Variants in SLC7A11 observed in about 807,000 individuals in gnomAD.
SLC7A11 encodes the protein cystine/glutamate transporter.
In SLC7A11, 35 loss-of-function variants were observed where a neutral mutation model predicts 54.5. That is an observed-to-expected ratio of 0.64 (90% CI 0.49 to 0.85). SLC7A11 has a LOEUF of 0.85. SLC7A11 is among the 40% of genes least tolerant of loss of function. SLC7A11 has a pLI of 0.00. For missense variants in SLC7A11, 583 were observed against 618.1 expected (o/e 0.94, Z 0.60); for synonymous variants, 230 against 225.2 (o/e 1.02, Z -0.19).
At chr4:138,201,014 A>C (rs1434470176) in intron 6 of SLC7A11, among the ~76,000 whole-genome samples, 1 of 152,140 alleles carries the variant, frequency 6.6e-6, no homozygotes, top group African/African-American at 2.4e-5. Context: ...ATGAAAAGCC[A>C]ATAGAAGAGA....
chr4:138,226,204 T>C (rs963609145), intron 3 of SLC7A11, among the ~76,000 whole-genome samples: 1 of 152,094 alleles, frequency 6.6e-6, no homozygotes, highest in Non-Finnish European at 1.5e-5. Context: ...CTGGTGGGAA[T>C]GTAAATTAGT....
chr4:138,241,403 A>G (rs1051120672), intron 1 of SLC7A11, among the ~76,000 whole-genome samples: 1 of 152,236 alleles, frequency 6.6e-6, no homozygotes, highest in Non-Finnish European at 1.5e-5. Flanking sequence ...AGCCCATGCC[A>G]GGTTCCACTT....
chr4:138,231,233 C>T (rs1386141729), intron 3 of SLC7A11, among the ~76,000 whole-genome samples: 5 of 152,098 alleles, frequency 3.3e-5, no homozygotes, highest in South Asian at 2.1e-4. Flanking sequence ...TTAATATCTA[C>T]GATGTACACT....
intron 4 of SLC7A11, among the ~76,000 whole-genome samples, chr4:138,221,444 G>A (rs983369268): frequency 5.3e-5 from 8 of 152,174 alleles, no homozygotes; most frequent in African/African-American, 1.9e-4. Context: ...GTGTGATCAT[G>A]TTAGAGATGA....
In SLC7A11 at chr4:138,179,395, C is replaced by G. The variant is rs142986192; in HGVS notation, c.1267-1G>C. The G allele has an allele frequency of 1.9e-6, 3 of 1,610,460 alleles. No homozygotes were observed. Among genetic ancestry groups the G allele is most frequent in the Non-Finnish European group, 2.5e-6 (3 of 1,178,354 alleles). ...ACAAAGCTGGGATGAACAGTGGCAC[C>G]TGGAACACAGAACACAAAAAAGTCA... On this transcript the variant is annotated splice_acceptor_variant, in intron 10 of 11. Coordinates refer to ENST00000280612, the MANE Select transcript of SLC7A11 (RefSeq NM_014331.4). LOFTEE classifies it high-confidence loss of function.
At position 138,183,218 on chromosome 4, in the gene SLC7A11, C is replaced by T; in HGVS notation, c.1003G>A (p.Val335Met). 1 of 1,611,156 alleles carries T rather than the reference C, an allele frequency of 6.2e-7. No homozygotes were observed. The highest frequency in any genetic ancestry group is 8.5e-7 in the Non-Finnish European group (1 of 1,178,094). The change falls in exon 8 of 12, where the codon GTG (valine) becomes ATG (methionine). Residue 335 changes from valine to methionine, a missense_variant. Physicochemically the swap from Val to Met is conservative, Grantham distance 21 (BLOSUM62 1). Transcript: ENST00000280612. Reference protein sequence around the residue: ...LSCFGSMNGGVFAVSRLFYVA... With the variant: ...LSCFGSMNGGMFAVSRLFYVA... ...CTCACTCACCTGGAGACAGCAAACA[C>T]ACCACCGTTCATGGAGCCAAAGCAG...
Position 138,171,820 on chromosome 4 carries a change from A to G in SLC7A11, c.*136T>C. ...TTAGAAATTAGTTCGAATATGCTAA[A>G]ATATATGAATAAAAATAACTGACTC... is the stretch of plus-strand genomic sequence containing the variant. On this transcript the variant is annotated 3_prime_UTR_variant, in exon 12 of 12. Transcript: ENST00000280612. 1 of 1,145,012 alleles carries G rather than the reference A, an allele frequency of 8.7e-7. No individual in the cohort carries two copies. The highest frequency in any genetic ancestry group is 2.9e-5 in the East Asian group (1 of 34,518). The allele number at this position is 1,145,012 out of a possible 1,614,324, so 70.9% of individuals were successfully genotyped here.
intron 1 of SLC7A11, among the ~76,000 whole-genome samples, chr4:138,240,615 A>C (rs1351399270): frequency 3.3e-5 from 5 of 151,892 alleles, no homozygotes; most frequent in Admixed American, 1.3e-4. Context: ...GTGTCAAACC[A>C]ATGATTTAAA....
chr4:138,172,953 C>T (rs1736472687), intron 11 of SLC7A11, among the ~76,000 whole-genome samples: 1 of 152,108 alleles, frequency 6.6e-6, no homozygotes, highest in South Asian at 2.1e-4. Flanking sequence ...ACGCGATTCT[C>T]CTGCCTCAGC....
chr4:138,205,260 G>A (rs1300485618), intron 6 of SLC7A11, among the ~76,000 whole-genome samples: 2 of 151,992 alleles, frequency 1.3e-5, no homozygotes, highest in East Asian at 1.9e-4. Context: ...GCAAGTAGAT[G>A]TTTCTATAGT....
chr4:138,215,005 A>G (rs368950339), intron 5 of SLC7A11, among the ~76,000 whole-genome samples: 20 of 152,124 alleles, frequency 1.3e-4, no homozygotes, highest in African/African-American at 4.6e-4. Flanking sequence ...GCATCACCCA[A>G]CTTGAACCTT....
At chr4:138,212,539 A>G (rs1236425371) in intron 6 of SLC7A11, among the ~76,000 whole-genome samples, 6 of 151,626 alleles carry the variant, frequency 4.0e-5, no homozygotes, top group Admixed American at 2.6e-4. Flanking sequence ...ATACATCACC[A>G]TCACTGTTCC....
intron 6 of SLC7A11, among the ~76,000 whole-genome samples, chr4:138,209,038 T>A (rs1286353982): frequency 1.3e-5 from 2 of 151,958 alleles, no homozygotes; most frequent in Non-Finnish European, 1.5e-5. Context: ...TTTCTTGGAG[T>A]AATGGTAGAT....
At position 138,171,022 on chromosome 4, in the gene SLC7A11, CTAT is replaced by C. The variant is rs555444045; in HGVS notation, c.*931_*933del. 28 of 152,170 alleles carry C rather than the reference CTAT, an allele frequency of 1.8e-4. No homozygotes were observed. Among genetic ancestry groups the C allele is most frequent in the African/African-American group, 6.3e-4 (26 of 41,508 alleles). 9.4% of individuals were successfully genotyped at this position (152,170 alleles called of 1,614,324 possible). On this transcript the variant is annotated 3_prime_UTR_variant, in exon 12 of 12. Coordinates refer to ENST00000280612, the MANE Select transcript of SLC7A11 (RefSeq NM_014331.4). The stretch of plus-strand genomic sequence containing the variant: ...TGTAGATATGATTACAGATATGGGA[CTAT>C]TATTTTGAACATCTTCTTTGTTGGT...
At chr4:138,214,826 T>G (rs1462860808) in intron 5 of SLC7A11, among the ~76,000 whole-genome samples, 197 bp from the exon 6 acceptor site, 1 of 152,150 alleles carries the variant, frequency 6.6e-6, no homozygotes, top group Non-Finnish European at 1.5e-5. Context: ...TTTTATCATG[T>G]GTCAGAAATA....
At chr4:138,237,502 A>G (rs539418953) in intron 1 of SLC7A11, among the ~76,000 whole-genome samples, 133 of 149,426 alleles carry the variant, frequency 8.9e-4, no homozygotes, top group African/African-American at 3.2e-3. Context: ...GGTTCAAGCA[A>G]TTCTCCTGCC....
chr4:138,211,507 A>G (rs1028836153), intron 6 of SLC7A11, among the ~76,000 whole-genome samples: 1 of 151,964 alleles, frequency 6.6e-6, no homozygotes, highest in Non-Finnish European at 1.5e-5. Context: ...TAGAACTTCC[A>G]TATGATCCAG....
At chr4:138,202,884 G>A (rs749516001) in intron 6 of SLC7A11, among the ~76,000 whole-genome samples, 7 of 152,146 alleles carry the variant, frequency 4.6e-5, no homozygotes, top group Non-Finnish European at 7.3e-5. Flanking sequence ...GGAAGTGCCA[G>A]TTGTCCCCAG....
At position 138,166,485 on chromosome 4, in the gene SLC7A11, G is replaced by A. The variant is rs1189511488; in HGVS notation, c.*5471C>T. The stretch of plus-strand genomic sequence containing the variant: ...TGAGGCTTTAACAAGAGGTAATAAG[G>A]ACTTAGCAAGCAGTTCTCCTAACCA... On this transcript the variant is annotated 3_prime_UTR_variant, in exon 12 of 12. Coordinates refer to ENST00000280612, the MANE Select transcript of SLC7A11 (RefSeq NM_014331.4). The A allele has an allele frequency of 6.6e-6, 1 of 152,498 alleles. No individual in the cohort carries two copies. The highest frequency in any genetic ancestry group is 2.4e-5 in the African/African-American group (1 of 41,398). 9.4% of individuals were successfully genotyped at this position (152,498 alleles called of 1,614,324 possible). A position where few individuals can be genotyped will look rare whatever the true frequency, so the allele number is the denominator to read the frequency against.
Sources: allele counts gnomAD v4.1 joint callset (sites outside exome capture counted in the v4.1 genomes callset), GRCh38; gene constraint gnomAD v4.1.1; transcripts MANE v1.5; gene names NCBI Gene and HGNC (gene_info 2026-07-23, HGNC 2026-07-21).